The following GSTCD variants were observed in gnomAD, a reference collection of about 807,000 sequenced individuals.
GSTCD encodes glutathione S-transferase C-terminal domain containing.
A neutral mutation model predicts 68.3 loss-of-function variants in GSTCD; 44 were observed. The observed-to-expected ratio is 0.64, with a 90% CI of 0.51 to 0.83. The LOEUF (loss-of-function observed/expected upper bound fraction) is 0.83, where lower values mean the gene tolerates loss of function less well. Ranked by LOEUF, GSTCD falls within the 40% of genes least tolerant of loss-of-function variation. The probability of loss-of-function intolerance (pLI) is 0.00; values close to 1 mark genes in which losing one functional copy is unlikely to be tolerated. For synonymous variants in GSTCD, 273 were observed against 255.2 expected, an observed-to-expected ratio of 1.07 and a Z score of -0.67; for missense variants, 739 against 735.9, an observed-to-expected ratio of 1.00 and a Z score of -0.05.
chr4:105,842,200 A>G, intron 11 of GSTCD, 66 bp downstream of exon 11: 1 of 1,286,626 alleles, frequency 7.8e-7, no homozygotes, highest in Non-Finnish European at 1.1e-6. Context: ...TGATTGGACC[A>G]AGTCTATATG....
At chr4:105,761,037 T>G (rs1464421966) in intron 5 of GSTCD, 1 of 263,954 alleles carries the variant, frequency 3.8e-6, no homozygotes, top group African/African-American at 2.6e-5. Context: ...GGAGTCTTGC[T>G]CTGTCACTCA....
chr4:105,758,151 C>G (rs1002121344), intron 5 of GSTCD, among the ~76,000 whole-genome samples: 5 of 152,196 alleles, frequency 3.3e-5, no homozygotes, highest in African/African-American at 1.2e-4. Context: ...CCTCACCAAA[C>G]AGATTTAATA....
intron 7 of GSTCD, among the ~76,000 whole-genome samples, 189 bp from the exon 8 acceptor site, chr4:105,825,483 A>C (rs1308583079): frequency 6.6e-6 from 1 of 152,178 alleles, no homozygotes; most frequent in Non-Finnish European, 1.5e-5. Context: ...TCAAAGCTAT[A>C]TCACTATAGT....
chr4:105,818,354 G>C (rs2149271654), intron 5 of GSTCD, among the ~76,000 whole-genome samples: 1 of 151,934 alleles, frequency 6.6e-6, no homozygotes, highest in African/African-American at 2.4e-5. Context: ...AAGGTGATGG[G>C]ATTCCTAAAG....
At chr4:105,746,246 GGAAGA>G (rs1230137983) in intron 5 of GSTCD, 1 of 152,014 alleles carries the variant, frequency 6.6e-6, no homozygotes, top group Non-Finnish European at 1.5e-5. Flanking sequence ...AAAATCATAA[GGAAGA>G]GAAAATATAT....
intron 5 of GSTCD, among the ~76,000 whole-genome samples, chr4:105,752,033 A>C (rs950338241): frequency 6.6e-6 from 1 of 152,168 alleles, no homozygotes; most frequent in African/African-American, 2.4e-5. Flanking sequence ...AAATAAGCAC[A>C]TGCCCTGTAT....
At position 105,834,566 on chromosome 4, in the gene GSTCD, A is replaced by C. The variant is rs1724035151; in HGVS notation, c.1636A>C (p.Asn546His). The change falls in exon 9 of 12, where the codon AAC becomes CAC. Residue 546 changes from asparagine (N) to histidine (H), a missense_variant. Asn to His is a moderately conservative substitution (Grantham distance 68). Transcript: ENST00000515279. ...TCPCCYGFIQ[N>H]TSKFNFPKSE... ...CCCTTGCTGTTATGGTTTCATTCAG[A>C]ACACCTCAAAGTTCAATTTTCCAAA... The C allele has an allele frequency of 6.2e-7, 1 of 1,614,066 alleles. No individual in the cohort carries two copies.
intron 5 of GSTCD, among the ~76,000 whole-genome samples, chr4:105,769,322 C>G (rs1310851913): frequency 6.6e-6 from 1 of 151,534 alleles, no homozygotes; most frequent in African/African-American, 2.4e-5. Context: ...AAGGCTAGGT[C>G]TGCAGAGGGG....
chr4:105,817,323 G>A (rs1407218781), intron 5 of GSTCD, among the ~76,000 whole-genome samples: 1 of 151,804 alleles, frequency 6.6e-6, no homozygotes, highest in Admixed American at 6.6e-5. Flanking sequence ...GTATAAATTA[G>A]CCTTTTTTAA....
chr4:105,833,934 A>G (rs1032792289), intron 8 of GSTCD, among the ~76,000 whole-genome samples: 1 of 148,846 alleles, frequency 6.7e-6, no homozygotes, highest in Non-Finnish European at 1.5e-5. Flanking sequence ...ATTATGTGAA[A>G]ACATCTTAAA....
intron 5 of GSTCD, among the ~76,000 whole-genome samples, chr4:105,777,286 ATGTG>A (rs200636558): frequency 1.3e-5 from 2 of 152,080 alleles, no homozygotes; most frequent in Non-Finnish European, 2.9e-5. Flanking sequence ...TAGCCGATGT[ATGTG>A]TGTGTATATA....
At chr4:105,715,679 TA>T in intron 1 of GSTCD, among the ~76,000 whole-genome samples, 2 of 126,286 alleles carry the variant, frequency 1.6e-5, no homozygotes, top group Non-Finnish European at 3.3e-5. Flanking sequence ...CAGATTTTTT[TA>T]AAAAAGGGAT....
At chr4:105,733,135 G>A (rs1490037699) in intron 5 of GSTCD, among the ~76,000 whole-genome samples, 2 of 152,138 alleles carry the variant, frequency 1.3e-5, no homozygotes, top group South Asian at 2.1e-4. Context: ...GAATAAGTGT[G>A]GTGTGGTGCT....
intron 9 of GSTCD, among the ~76,000 whole-genome samples, chr4:105,836,966 A>G (rs768749166): frequency 2.6e-5 from 4 of 152,240 alleles, no homozygotes; most frequent in Admixed American, 6.5e-5. Flanking sequence ...TATCAAATGT[A>G]TAAGTCAATG....
intron 5 of GSTCD, among the ~76,000 whole-genome samples, chr4:105,740,794 C>A (rs1245832852): frequency 6.6e-6 from 1 of 151,938 alleles, no homozygotes; most frequent in Non-Finnish European, 1.5e-5. Flanking sequence ...AAGGACTGGC[C>A]TCTTTTTGTC....
At chr4:105,774,504 A>G (rs770056412) in intron 5 of GSTCD, among the ~76,000 whole-genome samples, 35 of 152,054 alleles carry the variant, frequency 2.3e-4, no homozygotes, top group Non-Finnish European at 3.8e-4. Context: ...TTTCCTTTCC[A>G]TATTTAGTGC....
intron 5 of GSTCD, among the ~76,000 whole-genome samples, chr4:105,801,626 A>G (rs1736108684): frequency 6.6e-6 from 1 of 152,082 alleles, no homozygotes; most frequent in Non-Finnish European, 1.5e-5. Context: ...TATAAAGTTC[A>G]TCAATATATT....
intron 5 of GSTCD, among the ~76,000 whole-genome samples, chr4:105,730,528 C>T (rs1176757615): frequency 6.6e-6 from 1 of 152,204 alleles, no homozygotes; most frequent in Non-Finnish European, 1.5e-5. Context: ...TCTTTGGCTG[C>T]ATAAATGTCT....
chr4:105,827,016 A>G (rs1214879611), intron 8 of GSTCD: 1 of 152,172 alleles, frequency 6.6e-6, no homozygotes. Flanking sequence ...TGCAGACACG[A>G]TCTACAGTTT....
Sources: allele counts gnomAD v4.1 joint callset (sites outside exome capture counted in the v4.1 genomes callset), GRCh38; gene constraint gnomAD v4.1.1; transcripts MANE v1.5; gene names NCBI Gene and HGNC (gene_info 2026-07-23, HGNC 2026-07-21).